The following POU3F4 variants were observed in gnomAD, a reference collection of about 807,000 sequenced individuals.
POU3F4 encodes POU domain, class 3, transcription factor 4.
POU3F4 carries 2 observed loss-of-function variants against 15.2 expected under a neutral mutation model. That is an observed-to-expected ratio of 0.13 (90% CI 0.05 to 0.42). The LOEUF (loss-of-function observed/expected upper bound fraction) is 0.42. Ranked by LOEUF, POU3F4 falls within the 10% of genes least tolerant of loss-of-function variation. POU3F4 has a pLI of 0.99. For synonymous variants in POU3F4, 158 were observed against 133.3 expected (o/e 1.19, Z -1.28); for missense variants, 220 against 297.0 (o/e 0.74, Z 1.91).
rs1260565940 is a variant in POU3F4, at chrX:83,509,150, G to A, written c.826G>A (p.Gly276Ser). Reference protein sequence around the residue: ...PTSIDKIAAQGRKRKKRTSIE... With the variant: ...PTSIDKIAAQSRKRKKRTSIE... ...CAGCATTGACAAGATCGCTGCACAG[G>A]GCCGCAAGCGCAAGAAGCGGACCTC... The change falls in exon 1 of 1, where the codon GGC (glycine) becomes AGC (serine). Residue 276 changes from glycine to serine, a missense_variant. Around this residue, in one of 5 missense-constraint regions of POU3F4, gnomAD observed 25 missense variants for 36.7 expected, o/e 0.68. Transcript: ENST00000644024. The A allele has an allele frequency of 8.3e-7, 1 of 1,211,366 alleles. No homozygotes were observed. Among genetic ancestry groups the A allele is most frequent in the Non-Finnish European group, 1.1e-6 (1 of 895,234 alleles).
In POU3F4 at chrX:83,509,603, CCCTTT is replaced by C. The variant is rs906576084; in HGVS notation, c.*205_*209del. 11 of 575,695 alleles carry C rather than the reference CCCTTT, an allele frequency of 1.9e-5. No individual in the cohort carries two copies. The highest frequency in any genetic ancestry group is 1.1e-4 in the East Asian group (3 of 26,352). 47.4% of individuals were successfully genotyped at this position (575,695 alleles called of 1,213,427 possible). A position where few individuals can be genotyped will look rare whatever the true frequency, so the allele number is the denominator to read the frequency against. On this transcript the variant is annotated 3_prime_UTR_variant, in exon 1 of 1. Transcript: ENST00000644024. The stretch of plus-strand genomic sequence containing the variant: ...TCCCCTTTTTCTTTCCCTTCTTTTT[CCCTTT>C]CCTTTCCTTTCATTTTCTTTCCTTT...
In POU3F4 at chrX:83,508,573, C is replaced by A. The variant is rs370722742; in HGVS notation, c.249C>A (p.Pro83=). The A allele has an allele frequency of 2.2e-5, 27 of 1,205,081 alleles. No homozygotes were observed. In the African/African-American group the frequency reaches 4.4e-4, roughly 19 times the overall value. The change falls in exon 1 of 1, where the codon CCC becomes CCA. Residue 83 remains proline (P), a synonymous_variant. Coordinates refer to ENST00000644024, the MANE Select transcript of POU3F4 (RefSeq NM_000307.5). ...CCCTGGACCAGCAGGACGTGAAGCC[C>A]GGGCGCGAAGACCTGCAACTGGGTG... The part of the protein sequence containing the change: ...TSPLDQQDVK[P]GREDLQLGAI...
rs956707597 is a variant in POU3F4 at position 83,511,636 on chromosome X, G to C, written c.*2226G>C. On this transcript the variant is annotated 3_prime_UTR_variant, in exon 1 of 1. Coordinates refer to ENST00000644024, the MANE Select transcript of POU3F4 (RefSeq NM_000307.5). Reference sequence around the variant, plus strand: ...CTGTTGGTAGTTAGGTTTTAGTTCTGGGATTTTATTTTTTTTTCCCCCACA... The same window carrying C: ...CTGTTGGTAGTTAGGTTTTAGTTCTCGGATTTTATTTTTTTTTCCCCCACA... 2.7e-5 allele frequency: 3 copies of C among 111,881 alleles called. No individual in the cohort carries two copies. The highest frequency in any genetic ancestry group is 3.8e-5 in the Non-Finnish European group (2 of 53,166). The allele number at this position is 111,881 out of a possible 1,213,427, so 9.2% of individuals were successfully genotyped here. A position where few individuals can be genotyped will look rare whatever the true frequency, so the allele number is the denominator to read the frequency against.
Position 83,508,826 on chromosome X carries a change from G to C in POU3F4, c.502G>C (p.Glu168Gln). 8.3e-7 allele frequency: 1 copy of C among 1,207,691 alleles called. No individual in the cohort carries two copies. Among genetic ancestry groups the C allele is most frequent in the Non-Finnish European group, 1.1e-6 (1 of 893,272 alleles). The change falls in exon 1 of 1, where the codon GAG becomes CAG. Residue 168 changes from glutamate to glutamine, a missense_variant. By Grantham distance (29) the Glu-to-Gln change is conservative (BLOSUM62 2). This residue lies in a region of POU3F4 where 161 missense variants were observed against 154.1 expected (regional missense o/e 1.05). Coordinates refer to ENST00000644024, the MANE Select transcript of POU3F4 (RefSeq NM_000307.5). ...SAQSLHPVLR[E>Q]PPDHGELGSH... The stretch of plus-strand genomic sequence containing the variant: ...ACAGAGCCTGCACCCGGTGCTCCGA[G>C]AGCCCCCGGATCACGGCGAACTGGG...
rs1424403763 is a variant in POU3F4 at position 83,508,599 on chromosome X, C to T, written c.275C>T (p.Ala92Val). The change falls in exon 1 of 1, where the codon GCG (alanine) becomes GTG (valine). Residue 92 changes from alanine (A) to valine (V), a missense_variant. Physicochemically the swap from Ala to Val is moderately conservative, Grantham distance 64 (BLOSUM62 0). Around this residue, in one of 5 missense-constraint regions of POU3F4, gnomAD observed 161 missense variants for 154.1 expected, o/e 1.05. Transcript: ENST00000644024. ...GGGCGCGAAGACCTGCAACTGGGTG[C>T]GATCATCCATCACCGCTCGCCACAC... is the stretch of plus-strand genomic sequence containing the variant. ...KPGREDLQLGAIIHHRSPHVA... is the reference protein window; with the variant it reads ...KPGREDLQLGVIIHHRSPHVA... The T allele has an allele frequency of 1.7e-6, 2 of 1,209,552 alleles. No individual in the cohort carries two copies. The highest frequency in any genetic ancestry group is 2.2e-6 in the Non-Finnish European group (2 of 894,406).
Sources: allele counts gnomAD v4.1 joint callset, GRCh38; gene constraint gnomAD v4.1.1; regional missense constraint gnomAD v4.1.1; transcripts MANE v1.5; gene names NCBI Gene and HGNC (gene_info 2026-07-23, HGNC 2026-07-21).